ZNF445: variants seen among roughly 807,000 people sequenced by gnomAD.
ZNF445 encodes zinc finger protein 445, also known as zinc finger protein 168.
Under a neutral mutation model 93.9 loss-of-function variants are expected in ZNF445, and 19 were observed. The ratio of observed to expected loss-of-function variants is 0.20; its 90% CI spans 0.14 to 0.30. ZNF445 has a LOEUF of 0.30. ZNF445 is among the 10% of genes least tolerant of loss of function. ZNF445 has a pLI of 1.00. For synonymous variants in ZNF445, 449 were observed against 446.3 expected (o/e 1.01, Z -0.08); for missense variants, 1,058 against 1,259.4 (o/e 0.84, Z 2.42).
chr3:44,463,428 C>A (rs1395890419), intron 1 of ZNF445, among the ~76,000 whole-genome samples: 3 of 152,122 alleles, frequency 2.0e-5, no homozygotes, highest in African/African-American at 4.8e-5. Context: ...GCACCACAGA[C>A]CCCGTTTTGG....
intron 2 of ZNF445, among the ~76,000 whole-genome samples, chr3:44,456,769 A>G (rs1698033065): frequency 6.6e-6 from 1 of 152,206 alleles, no homozygotes; most frequent in Non-Finnish European, 1.5e-5. Flanking sequence ...ATGGGTTACA[A>G]ATTATAATTT....
At position 44,462,813 on chromosome 3, in the gene ZNF445, T is replaced by C. The variant is rs188898182; in HGVS notation, c.-268-4449A>G. Reference sequence around the variant, plus strand: ...TGGTAAAATTCAAAAGCCAAAAATATTGGCCACTTGGTATGGCTAAAGTTG... The same window carrying C: ...TGGTAAAATTCAAAAGCCAAAAATACTGGCCACTTGGTATGGCTAAAGTTG... On this transcript the variant is annotated intron_variant, in intron 1 of 7. Transcript: ENST00000396077. 1.4e-3 allele frequency among the ~76,000 whole-genome samples: 219 copies of C among 152,322 alleles called. 1 individual carries two copies. Among genetic ancestry groups the C allele is most frequent in the East Asian group, 2.7e-3 (14 of 5,194 alleles).
At chr3:44,463,367 G>A (rs1273241918) in intron 1 of ZNF445, among the ~76,000 whole-genome samples, 2 of 152,116 alleles carry the variant, frequency 1.3e-5, no homozygotes, top group Non-Finnish European at 2.9e-5. Context: ...CAGATGAGAG[G>A]CCCTAAGATA....
At chr3:44,459,705 T>C (rs938782323) in intron 1 of ZNF445, among the ~76,000 whole-genome samples, 13 of 152,232 alleles carry the variant, frequency 8.5e-5, no homozygotes, top group African/African-American at 3.1e-4. Flanking sequence ...CATGGGCTTA[T>C]GCATACATAT....
chr3:44,437,971 C>CA lies in ZNF445; in HGVS notation c.*8603dup, dbSNP rs1447338922. 2.0e-5 allele frequency: 3 copies of CA among 152,898 alleles called. No individual in the cohort carries two copies. The highest frequency in any genetic ancestry group is 6.5e-5 in the Admixed American group (1 of 15,276). 9.5% of individuals were successfully genotyped at this position (152,898 alleles called of 1,614,324 possible). A position where few individuals can be genotyped will look rare whatever the true frequency, so the allele number is the denominator to read the frequency against. The stretch of plus-strand genomic sequence containing the variant: ...GTCTCAGCCTCATTTTCCCAGCCCT[C>CA]ACTCAAAATGGAGTCGCTCTGGTTC... On this transcript the variant is annotated 3_prime_UTR_variant, in exon 8 of 8. Transcript: ENST00000396077.
chr3:44,466,948 T>C (rs757911754), intron 1 of ZNF445, among the ~76,000 whole-genome samples: 59 of 152,220 alleles, frequency 3.9e-4, no homozygotes, highest in Non-Finnish European at 6.5e-4. Context: ...CAATTGTAGC[T>C]TTCATAGTGG....
At position 44,447,685 on chromosome 3, in the gene ZNF445, G is replaced by C. The variant is rs756034793; in HGVS notation, c.1986C>G (p.Phe662Leu). The C allele has an allele frequency of 1.9e-6, 3 of 1,614,114 alleles. No homozygotes were observed. In the East Asian group the frequency reaches 6.7e-5, roughly 36 times the overall value. ...GCTGACTGCAGTCAGGAGATTGCCTGAAGCCTTCACGACATTCATCTTGTT... is the reference window on the plus strand; with the variant it reads ...GCTGACTGCAGTCAGGAGATTGCCTCAAGCCTTCACGACATTCATCTTGTT... ...FYKQDECREG[F>L]RQSPDCSQPQ... is the part of the protein sequence containing the mutation. Residue 662 changes from phenylalanine (F) to leucine (L), a missense_variant, in exon 8 of 8, where the codon TTC (phenylalanine) becomes TTG (leucine). Physicochemically the swap from Phe to Leu is conservative, Grantham distance 22. Coordinates refer to ENST00000396077, the MANE Select transcript of ZNF445 (RefSeq NM_181489.6). This position sits in a 1 kb window ranked among gnomAD's most constrained non-coding sequence, Gnocchi z 4.7.
Position 44,468,417 on chromosome 3 carries a change from G to A in ZNF445, c.-269+9174C>T, listed in dbSNP as rs118120316. 1.4e-4 allele frequency among the ~76,000 whole-genome samples: 22 copies of A among 152,338 alleles called. No individual in the cohort carries two copies. In the East Asian group the frequency reaches 4.0e-3, roughly 28 times the overall value. On this transcript the variant is annotated intron_variant, in intron 1 of 7. Transcript: ENST00000396077. The stretch of plus-strand genomic sequence containing the variant: ...ACAGTTTATAGTTTAAATAAAGACA[G>A]TAACAGATCTTTCCCAAAGCAGATC...
intron 1 of ZNF445, among the ~76,000 whole-genome samples, chr3:44,471,412 A>G (rs903714170): frequency 1.3e-5 from 2 of 152,210 alleles, no homozygotes; most frequent in Admixed American, 1.3e-4. Flanking sequence ...GATGGACAAC[A>G]GGTCTCAGAA....
intron 1 of ZNF445, among the ~76,000 whole-genome samples, chr3:44,476,622 A>G (rs573927540): frequency 1.3e-5 from 2 of 152,340 alleles, no homozygotes; most frequent in East Asian, 3.9e-4. Flanking sequence ...TTGAAACAGA[A>G]TAACATTCTT....
intron 6 of ZNF445, chr3:44,450,202 G>C: frequency 2.0e-6 from 1 of 495,308 alleles, no homozygotes. Context: ...GCCTCCCGAA[G>C]TGGTGGGATT....
Position 44,447,349 on chromosome 3 carries a change from G to A in ZNF445, c.2322C>T (p.His774=). ...CTCTCTGATGGATGAGGAGGAATGA[G>A]TGATTGCGGAAGGCCTTGCCACACT... The part of the protein sequence containing the change: ...CSQCGKAFRN[H]SFLLIHQRVH... Residue 774 remains histidine (H), a synonymous_variant, in exon 8 of 8, where the codon CAC becomes CAT. Transcript: ENST00000396077. This position sits in a 1 kb window ranked among gnomAD's most constrained non-coding sequence, Gnocchi z 4.7. 1 of 1,614,174 alleles carries A rather than the reference G, an allele frequency of 6.2e-7. No individual in the cohort carries two copies. The highest frequency in any genetic ancestry group is 8.5e-7 in the Non-Finnish European group (1 of 1,180,036).
intron 1 of ZNF445, among the ~76,000 whole-genome samples, chr3:44,477,256 C>G (rs1698374596): frequency 6.6e-6 from 1 of 152,246 alleles, no homozygotes; most frequent in South Asian, 2.1e-4. Flanking sequence ...AGACAGATTT[C>G]AGGATTGCGG....
intron 3 of ZNF445, among the ~76,000 whole-genome samples, chr3:44,453,943 C>T (rs913927772): frequency 2.0e-5 from 3 of 152,142 alleles, no homozygotes; most frequent in African/African-American, 2.4e-5. Flanking sequence ...TATTTCTCAG[C>T]CCAGCTCTGC....
chr3:44,451,050 A>G, intron 4 of ZNF445, 88 bp from the exon 5 acceptor site: 1 of 1,142,086 alleles, frequency 8.8e-7, no homozygotes. Context: ...GGACTCCTGG[A>G]CCCATGAGCA....
rs1003157428 is a variant in ZNF445, at chr3:44,446,385, T to C, written c.*190A>G. The C allele has an allele frequency of 2.0e-5, 15 of 767,612 alleles. No individual in the cohort carries two copies. The highest frequency in any genetic ancestry group is 1.9e-4 in the African/African-American group (11 of 56,902). The allele number at this position is 767,612 out of a possible 1,614,324, so 47.6% of individuals were successfully genotyped here. On this transcript the variant is annotated 3_prime_UTR_variant, in exon 8 of 8. Transcript: ENST00000396077. This position sits in a 1 kb window ranked among gnomAD's most constrained non-coding sequence, Gnocchi z 4.2. ...GGCTCCAAAGGACATGGTGCTGCACTTCCCCAGCGTCACATCCTAGCAGGC... is the reference window on the plus strand; with the variant it reads ...GGCTCCAAAGGACATGGTGCTGCACCTCCCCAGCGTCACATCCTAGCAGGC...
chr3:44,455,214 C>G lies in ZNF445; in HGVS notation c.336G>C (p.Arg112=). Residue 112 remains arginine (R), a synonymous_variant, in exon 3 of 8, where the codon CGG becomes CGC. Transcript: ENST00000396077. The part of the protein sequence containing the change: ...QFLSILPGEL[R]VWVQLHNPES... ...CAGGGTTATGAAGCTGCACCCAAAC[C>G]CGGAGCTCCCCAGGCAGGATGCTCA... 1 of 1,614,206 alleles carries G rather than the reference C, an allele frequency of 6.2e-7. No homozygotes were observed. Among genetic ancestry groups the G allele is most frequent in the Non-Finnish European group, 8.5e-7 (1 of 1,180,032 alleles).
At chr3:44,471,426 G>C (rs1363517024) in intron 1 of ZNF445, among the ~76,000 whole-genome samples, 3 of 152,176 alleles carry the variant, frequency 2.0e-5, no homozygotes, top group Non-Finnish European at 4.4e-5. Flanking sequence ...CTCAGAACTT[G>C]TTGCAAAGTG....
Position 44,446,672 on chromosome 3 carries a change from T to G in ZNF445, c.2999A>C (p.His1000Pro), listed in dbSNP as rs1448003782. The G allele has an allele frequency of 6.2e-7, 1 of 1,614,244 alleles. No homozygotes were observed. Among genetic ancestry groups the G allele is most frequent in the Admixed American group, 1.7e-5 (1 of 60,034 alleles). The change falls in exon 8 of 8, where the codon CAT (histidine) becomes CCT (proline). Residue 1000 changes from histidine (H) to proline (P), a missense_variant. By Grantham distance (77) the His-to-Pro change is moderately conservative. Coordinates refer to ENST00000396077, the MANE Select transcript of ZNF445 (RefSeq NM_181489.6). The surrounding 1 kb of genome is among the most constrained non-coding windows in gnomAD (Gnocchi z 4.2). ...SSQLISHKRF[H>P]TRERPFKCSK... ...GCATTTGAAGGGCCTCTCTCGAGTA[T>G]GAAATCTCTTGTGGCTAATGAGTTG...
Sources: allele counts gnomAD v4.1 joint callset (sites outside exome capture counted in the v4.1 genomes callset), GRCh38; gene constraint gnomAD v4.1.1; non-coding constraint Gnocchi (gnomAD v3.1); transcripts MANE v1.5; gene names NCBI Gene and HGNC (gene_info 2026-07-23, HGNC 2026-07-21).